Variants in FAM135B observed in about 807,000 individuals in gnomAD.
FAM135B encodes the protein protein FAM135B.
FAM135B carries 43 observed loss-of-function variants against 127.7 expected under a neutral mutation model. That is an observed-to-expected ratio of 0.34 (90% CI 0.26 to 0.43). The LOEUF (loss-of-function observed/expected upper bound fraction) is 0.43. Ranked by LOEUF, FAM135B falls within the 20% of genes least tolerant of loss-of-function variation. The pLI, the probability that FAM135B is intolerant of heterozygous loss-of-function variation, is 1.00. For missense variants in FAM135B, 1,558 were observed against 1,725.6 expected (o/e 0.90, Z 1.72); for synonymous variants, 670 against 665.1 (o/e 1.01, Z -0.11).
Position 138,153,053 on chromosome 8 carries a change from T to C in FAM135B, c.1422A>G (p.Glu474=). The C allele has an allele frequency of 1.9e-6, 3 of 1,614,198 alleles. No individual in the cohort carries two copies. The highest frequency in any genetic ancestry group is 2.5e-6 in the Non-Finnish European group (3 of 1,180,026). Residue 474 remains glutamate, a synonymous_variant, in exon 13 of 20, where the codon GAA becomes GAG. Coordinates refer to ENST00000395297, the MANE Select transcript of FAM135B (RefSeq NM_015912.4). ...TIKPSQMDSD[E]EVIRCPEPGE... ...CTGGCTCTGGACACCTTATAACTTC[T>C]TCATCAGAATCCATTTGGGATGGTT...
rs1163902379 is a variant in FAM135B, at chr8:138,242,736, G to C, written c.669+206C>G. On this transcript the variant is annotated intron_variant, in intron 7 of 19. Transcript: ENST00000395297. The surrounding 1 kb of genome is among the most constrained non-coding windows in gnomAD (Gnocchi z 9.6). ...GTATCATATGAAGACCATATTCCCT[G>C]TATCTATCCCAGGGCTTGGCCTTAG... Among the ~76,000 whole-genome samples the C allele has an allele frequency of 6.6e-6, 1 of 152,144 alleles. No individual in the cohort carries two copies. The highest frequency in any genetic ancestry group is 1.5e-5 in the Non-Finnish European group (1 of 68,030).
At chr8:138,411,509 G>A (rs571724289) in intron 1 of FAM135B, among the ~76,000 whole-genome samples, 10 of 152,208 alleles carry the variant, frequency 6.6e-5, no homozygotes, top group East Asian at 1.9e-4. Context: ...AGACTTAAAC[G>A]TTTGACCTAA....
At chr8:138,367,002 G>A (rs373112001) in intron 2 of FAM135B, among the ~76,000 whole-genome samples, 13 of 152,178 alleles carry the variant, frequency 8.5e-5, no homozygotes, top group African/African-American at 2.9e-4. Flanking sequence ...ACCTGTGAGC[G>A]AGCCCAGTGA....
intron 2 of FAM135B, among the ~76,000 whole-genome samples, chr8:138,349,496 T>A (rs1450909703): frequency 7.2e-5 from 11 of 152,208 alleles, no homozygotes; most frequent in Admixed American, 7.2e-4. Context: ...TCTAGCACAA[T>A]CCCTAGGATA....
Position 138,151,796 on chromosome 8 carries a change from G to A in FAM135B, c.2679C>T (p.Thr893=), listed in dbSNP as rs761004423. The A allele has an allele frequency of 1.2e-6, 2 of 1,614,116 alleles. No homozygotes were observed. Among genetic ancestry groups the A allele is most frequent in the African/African-American group, 1.3e-5 (1 of 75,038 alleles). The change falls in exon 13 of 20, where the codon ACC becomes ACT. Residue 893 remains threonine, a synonymous_variant. Coordinates refer to ENST00000395297, the MANE Select transcript of FAM135B (RefSeq NM_015912.4). ...CCTCAAGTGCTCTATGAAGAGATCTGGTCCTGGGGTTTTCAAGTGCTATGA... is the reference window on the plus strand; with the variant it reads ...CCTCAAGTGCTCTATGAAGAGATCTAGTCCTGGGGTTTTCAAGTGCTATGA... ...PRVIALENPR[T]RSLHRALEET...
chr8:138,384,148 T>C (rs1832037924), intron 1 of FAM135B, among the ~76,000 whole-genome samples: 2 of 152,172 alleles, frequency 1.3e-5, no homozygotes, highest in African/African-American at 4.8e-5. Flanking sequence ...GGATGTCCGG[T>C]GCATAGCATA....
chr8:138,345,789 G>A (rs1379880424), intron 2 of FAM135B, among the ~76,000 whole-genome samples: 5 of 152,120 alleles, frequency 3.3e-5, no homozygotes, highest in Admixed American at 6.5e-5. Context: ...GCCTTGGAAG[G>A]GCTCCCATAA....
intron 1 of FAM135B, among the ~76,000 whole-genome samples, chr8:138,491,875 AG>A (rs1441029867): frequency 6.6e-6 from 1 of 152,160 alleles, no homozygotes; most frequent in African/African-American, 2.4e-5. Context: ...AGGAGGAGGG[AG>A]TAGCATGTGC....
intron 6 of FAM135B, among the ~76,000 whole-genome samples, chr8:138,244,698 G>C (rs536027396): frequency 1.3e-5 from 2 of 152,208 alleles, no homozygotes; most frequent in South Asian, 2.1e-4. Context: ...AAAGTATAAA[G>C]TGTCTATGTG....
At chr8:138,431,195 C>G (rs745606862) in intron 1 of FAM135B, among the ~76,000 whole-genome samples, 2 of 152,160 alleles carry the variant, frequency 1.3e-5, no homozygotes, top group Non-Finnish European at 2.9e-5. Context: ...TACACACATT[C>G]ACTAACTCAC....
intron 7 of FAM135B, among the ~76,000 whole-genome samples, chr8:138,226,968 A>G (rs118152255): frequency 0.11 from 17,275 of 152,182 alleles, 1,124 homozygotes; most frequent in Admixed American, 0.12. Context: ...AAATGCTGGG[A>G]TTGCAGGCGT....
At chr8:138,363,382 T>G (rs1360046661) in intron 2 of FAM135B, among the ~76,000 whole-genome samples, 2 of 152,114 alleles carry the variant, frequency 1.3e-5, no homozygotes, top group African/African-American at 4.8e-5. Context: ...CAATGTTGGG[T>G]TGGGGGAAGT....
chr8:138,364,018 G>A (rs963665082), intron 2 of FAM135B, among the ~76,000 whole-genome samples: 1 of 152,006 alleles, frequency 6.6e-6, no homozygotes, highest in Admixed American at 6.6e-5. Context: ...CCCCAAAAAG[G>A]AACCAACTTC....
chr8:138,214,858 G>C (rs570827282), intron 7 of FAM135B, among the ~76,000 whole-genome samples: 1 of 152,286 alleles, frequency 6.6e-6, no homozygotes, highest in South Asian at 2.1e-4. Context: ...GGTGAAGATG[G>C]AGCAGAGGGA....
rs931323254 is a variant in FAM135B, at chr8:138,172,713, G to A, written c.1103+4634C>T. Reference sequence around the variant, plus strand: ...TGGATGACGAATAATTATGCAGAGGGAGGGAGGAAGGGAAGGAGAAAGGGA... The same window carrying A: ...TGGATGACGAATAATTATGCAGAGGAAGGGAGGAAGGGAAGGAGAAAGGGA... On this transcript the variant is annotated intron_variant, in intron 11 of 19. Transcript: ENST00000395297. Among the ~76,000 whole-genome samples the A allele has an allele frequency of 1.3e-5, 2 of 152,180 alleles. 1 individual carries two copies. The highest frequency in any genetic ancestry group is 4.1e-4 in the South Asian group (2 of 4,826).
chr8:138,212,084 AAATAGCAATAAT>A (rs542152449), intron 7 of FAM135B, among the ~76,000 whole-genome samples: 171 of 152,274 alleles, frequency 1.1e-3, no homozygotes, highest in African/African-American at 3.9e-3. Flanking sequence ...AAATACAATA[AAATAGCAATAAT>A]AATAGCAATT....
At chr8:138,180,623 A>G (rs1283307794) in intron 9 of FAM135B, among the ~76,000 whole-genome samples, 1 of 152,208 alleles carries the variant, frequency 6.6e-6, no homozygotes, top group African/African-American at 2.4e-5. Context: ...GTAAAGTGAG[A>G]CATCCAAGAG....
intron 2 of FAM135B, among the ~76,000 whole-genome samples, chr8:138,330,997 C>T (rs751392497): frequency 2.6e-5 from 4 of 152,040 alleles, no homozygotes; most frequent in African/African-American, 7.2e-5. Flanking sequence ...CATGCACCAC[C>T]GCACCCAGCT....
intron 2 of FAM135B, among the ~76,000 whole-genome samples, chr8:138,315,156 G>T (rs1466653684): frequency 1.3e-5 from 2 of 151,978 alleles, no homozygotes; most frequent in Non-Finnish European, 2.9e-5. Context: ...AAAGGACAAA[G>T]GACCTGAATA....
Sources: allele counts gnomAD v4.1 joint callset (sites outside exome capture counted in the v4.1 genomes callset), GRCh38; gene constraint gnomAD v4.1.1; non-coding constraint Gnocchi (gnomAD v3.1); transcripts MANE v1.5; gene names NCBI Gene and HGNC (gene_info 2026-07-23, HGNC 2026-07-21).